The following LRRTM4 variants were observed in gnomAD, a reference collection of about 807,000 sequenced individuals.
LRRTM4 encodes the protein leucine-rich repeat transmembrane neuronal protein 4.
LRRTM4 carries 25 observed loss-of-function variants against 47.6 expected under a neutral mutation model. That is an observed-to-expected ratio of 0.53 (90% CI 0.38 to 0.73). The LOEUF (loss-of-function observed/expected upper bound fraction) is 0.73. Ranked by LOEUF, LRRTM4 falls within the 30% of genes least tolerant of loss-of-function variation. LRRTM4 has a pLI of 0.00. For missense variants in LRRTM4, 638 were observed against 713.4 expected, an observed-to-expected ratio of 0.89 and a Z score of 1.20; for synonymous variants, 311 against 269.5, an observed-to-expected ratio of 1.15 and a Z score of -1.51.
chr2:76,913,346 G>T (rs145598512), intron 3 of LRRTM4, among the ~76,000 whole-genome samples: 1 of 150,950 alleles, frequency 6.6e-6, no homozygotes, highest in Non-Finnish European at 1.5e-5. Context: ...TTTTTCTTAT[G>T]ATTGTGTTTC....
chr2:77,183,873 A>G (rs1423698993), intron 3 of LRRTM4, among the ~76,000 whole-genome samples: 3 of 152,130 alleles, frequency 2.0e-5, no homozygotes, highest in Non-Finnish European at 4.4e-5. Context: ...ATAGGTGGGA[A>G]TTGAACAATG....
At chr2:77,321,810 G>T (rs79774996) in intron 3 of LRRTM4, among the ~76,000 whole-genome samples, 2,349 of 152,122 alleles carry the variant, frequency 0.015, 56 homozygotes, top group African/African-American at 0.053. Flanking sequence ...ATATGGCAAG[G>T]TATTAATTCT....
intron 3 of LRRTM4, among the ~76,000 whole-genome samples, chr2:77,016,222 C>T (rs1678062347): frequency 6.6e-6 from 1 of 151,882 alleles, no homozygotes. Flanking sequence ...CCTGACTCTA[C>T]TAAAAATACA....
At chr2:77,274,491 A>G (rs10179380) in intron 3 of LRRTM4, among the ~76,000 whole-genome samples, 23,856 of 152,142 alleles carry the variant, frequency 0.16, 4,061 homozygotes, top group African/African-American at 0.43. Context: ...TTCCAATGTC[A>G]TATCAGAAAA....
intron 3 of LRRTM4, among the ~76,000 whole-genome samples, chr2:76,758,711 G>T (rs991153034): frequency 6.6e-5 from 10 of 152,088 alleles, no homozygotes; most frequent in African/African-American, 2.4e-4. Flanking sequence ...TGCTATTAAG[G>T]AGTAATTATA....
chr2:76,974,933 T>C (rs1041996738), intron 3 of LRRTM4, among the ~76,000 whole-genome samples: 1 of 151,742 alleles, frequency 6.6e-6, no homozygotes, highest in South Asian at 2.1e-4. Flanking sequence ...CTTTTTTCTC[T>C]TTTTTATATT....
At chr2:77,374,617 G>C (rs528892236) in intron 3 of LRRTM4, among the ~76,000 whole-genome samples, 1 of 151,866 alleles carries the variant, frequency 6.6e-6, no homozygotes, top group South Asian at 2.1e-4. Context: ...CCTCAAGCCA[G>C]AATGGTTCCA....
chr2:76,866,309 G>A (rs1395943146), intron 3 of LRRTM4, among the ~76,000 whole-genome samples: 1 of 152,166 alleles, frequency 6.6e-6, no homozygotes, highest in Non-Finnish European at 1.5e-5. Flanking sequence ...TTGAAGCCTT[G>A]AAGAGCTCGC....
At chr2:77,415,541 C>T (rs559632640) in intron 3 of LRRTM4, among the ~76,000 whole-genome samples, 15 of 152,272 alleles carry the variant, frequency 9.9e-5, no homozygotes, top group Admixed American at 4.6e-4. Flanking sequence ...ACATCATGTT[C>T]TCTGGACTCT....
intron 3 of LRRTM4, among the ~76,000 whole-genome samples, chr2:77,034,050 C>T (rs1678754715): frequency 6.6e-6 from 1 of 151,386 alleles, no homozygotes; most frequent in Admixed American, 6.6e-5. Context: ...TGGAAAAAAC[C>T]ATAAAGGTTC....
At chr2:77,447,818 C>A (rs545552201) in intron 3 of LRRTM4, among the ~76,000 whole-genome samples, 4 of 152,218 alleles carry the variant, frequency 2.6e-5, no homozygotes, top group East Asian at 1.9e-4. Context: ...TTATAGCAGA[C>A]CCCGACTGTA....
At chr2:77,044,690 AAT>A (rs982050521) in intron 3 of LRRTM4, among the ~76,000 whole-genome samples, 3 of 151,484 alleles carry the variant, frequency 2.0e-5, no homozygotes, top group African/African-American at 7.3e-5. Context: ...CATATTACAA[AAT>A]ATATATATAC....
chr2:76,792,925 T>C (rs1675051750), intron 3 of LRRTM4, among the ~76,000 whole-genome samples: 1 of 152,042 alleles, frequency 6.6e-6, no homozygotes, highest in Admixed American at 6.6e-5. Context: ...TTTCCCTGGG[T>C]TTTTGGTTGT....
intron 3 of LRRTM4, among the ~76,000 whole-genome samples, chr2:77,388,303 C>G (rs1026755276): frequency 6.6e-6 from 1 of 151,990 alleles, no homozygotes; most frequent in South Asian, 2.1e-4. Flanking sequence ...AAGGTCATAC[C>G]GTGCAGTTGG....
intron 3 of LRRTM4, among the ~76,000 whole-genome samples, chr2:77,016,877 C>CA (rs1678090406): frequency 6.9e-6 from 1 of 145,098 alleles, no homozygotes; most frequent in African/African-American, 2.5e-5. Flanking sequence ...ACTTTATTGA[C>CA]TTTTTTTTTT....
At chr2:76,977,587 A>G (rs991172013) in intron 3 of LRRTM4, among the ~76,000 whole-genome samples, 3 of 151,974 alleles carry the variant, frequency 2.0e-5, no homozygotes, top group Admixed American at 6.6e-5. Context: ...TCAATGCCCA[A>G]GGCATAAATG....
chr2:77,057,678 C>G (rs1679654080), intron 3 of LRRTM4, among the ~76,000 whole-genome samples: 1 of 152,234 alleles, frequency 6.6e-6, no homozygotes, highest in East Asian at 1.9e-4. Flanking sequence ...AGTGCCCTTC[C>G]CCTACTCCAT....
chr2:77,026,140 T>G (rs1678444617), intron 3 of LRRTM4, among the ~76,000 whole-genome samples: 1 of 152,206 alleles, frequency 6.6e-6, no homozygotes, highest in Non-Finnish European at 1.5e-5. Flanking sequence ...GACCACATTC[T>G]TTGGAATGCT....
chr2:76,875,217 GATAA>G (rs1672744826), intron 3 of LRRTM4, among the ~76,000 whole-genome samples: 1 of 152,188 alleles, frequency 6.6e-6, no homozygotes, highest in South Asian at 2.1e-4. Context: ...CCTCAGATAA[GATAA>G]ATAATCATTT....
Sources: gnomAD v4.1 joint callset for allele counts (sites outside exome capture counted in the v4.1 genomes callset) on GRCh38, gnomAD v4.1.1 for gene constraint, MANE v1.5 for transcripts, NCBI Gene and HGNC (gene_info 2026-07-23, HGNC 2026-07-21) for gene names.